SOD2: variants seen among roughly 807,000 people sequenced by gnomAD.
SOD2 encodes the protein superoxide dismutase [Mn], mitochondrial.
In SOD2, 11 loss-of-function variants were observed where a neutral mutation model predicts 27.0. That is an observed-to-expected ratio of 0.41 (90% confidence interval 0.26 to 0.67). SOD2 has a LOEUF of 0.67. SOD2 is among the 30% of genes least tolerant of loss of function. The probability of loss-of-function intolerance (pLI) is 0.34; values close to 1 mark genes in which losing one functional copy is unlikely to be tolerated. For synonymous variants in SOD2, 105 were observed against 103.0 expected, an observed-to-expected ratio of 1.02 and a Z score of -0.12; for missense variants, 250 against 274.5, an observed-to-expected ratio of 0.91 and a Z score of 0.63.
intron 1 of SOD2, chr6:159,753,620 G>A: frequency 6.3e-7 from 1 of 1,594,536 alleles, no homozygotes. Context: ...GGATGGTAAG[G>A]GGTTTGTTTC....
rs1779816920 is a variant in SOD2, at chr6:159,678,021, G to A, written c.*4472C>T. ...TCCCAGCCTCAACCCCCAACCTCCA[G>A]AAAGGGGAGAGAGGCTGAAGGTTGA... On this transcript the variant is annotated 3_prime_UTR_variant, in exon 5 of 5. Coordinates refer to ENST00000538183, the MANE Select transcript of SOD2 (RefSeq NM_000636.4). 6.6e-6 allele frequency: 1 copy of A among 152,098 alleles called. No individual in the cohort carries two copies. Among genetic ancestry groups the A allele is most frequent in the South Asian group, 2.1e-4 (1 of 4,828 alleles). The allele number at this position is 152,098 out of a possible 1,614,324, so 9.4% of individuals were successfully genotyped here.
chr6:159,723,562 C>T (rs1010073278), intron 1 of SOD2, among the ~76,000 whole-genome samples: 10 of 152,166 alleles, frequency 6.6e-5, no homozygotes, highest in African/African-American at 2.4e-4. Context: ...ATTTAGAAAC[C>T]AAGATCTCAG....
Position 159,693,201 on chromosome 6 carries a change from G to A in SOD2, c.-34C>T, listed in dbSNP as rs763376290. The A allele has an allele frequency of 6.1e-5, 92 of 1,515,370 alleles. No individual in the cohort carries two copies. Among genetic ancestry groups the A allele is most frequent in the Admixed American group, 6.3e-5 (3 of 47,922 alleles). The allele number at this position is 1,515,370 out of a possible 1,614,324, so 93.9% of individuals were successfully genotyped here. On this transcript the variant is annotated 5_prime_UTR_variant, in exon 1 of 5. Coordinates refer to ENST00000538183, the MANE Select transcript of SOD2 (RefSeq NM_000636.4). ...TGCTGGTGCTACCGCTGATGCCGCC[G>A]ATCTGCTGAAGCCGCTGCCGAAGCC... is the stretch of plus-strand genomic sequence containing the variant.
intron 1 of SOD2, among the ~76,000 whole-genome samples, chr6:159,709,746 AC>A (rs1777695280): frequency 6.6e-6 from 1 of 152,124 alleles, no homozygotes; most frequent in South Asian, 2.1e-4. Context: ...ATACCATTTG[AC>A]CCAGCCATCC....
At chr6:159,692,531 C>T in intron 2 of SOD2, 130 bp downstream of exon 2, 1 of 1,491,108 alleles carries the variant, frequency 6.7e-7, no homozygotes, top group Non-Finnish European at 8.9e-7. Flanking sequence ...ACTATCGTGC[C>T]TGGAAAACTC....
At chr6:159,693,340 C>T (rs1777336158), upstream of SOD2, 1 of 257,102 alleles carries the variant, frequency 3.9e-6, no homozygotes, top group African/African-American at 2.7e-5. Flanking sequence ...CCCCCCCCCC[C>T]GCGGGCCCCG....
chr6:159,692,330 G>C (rs747316878), intron 2 of SOD2: 1 of 1,040,006 alleles, frequency 9.6e-7, no homozygotes, highest in Non-Finnish European at 1.3e-6. Context: ...AAAAAAACGA[G>C]TGACACAGTA....
upstream of SOD2, among the ~76,000 whole-genome samples, chr6:159,730,167 C>T (rs1778480765): frequency 6.6e-6 from 1 of 152,194 alleles, no homozygotes; most frequent in Admixed American, 6.5e-5. Context: ...CACCTAATAG[C>T]TGATCACCTA....
rs2114742729 is a variant in SOD2 at position 159,669,928 on chromosome 6, A to G, written c.*12565T>C. 6.6e-6 allele frequency: 1 copy of G among 152,316 alleles called. No homozygotes were observed. Among genetic ancestry groups the G allele is most frequent in the East Asian group, 1.9e-4 (1 of 5,186 alleles). The allele number at this position is 152,316 out of a possible 1,614,324, so 9.4% of individuals were successfully genotyped here. On this transcript the variant is annotated 3_prime_UTR_variant, in exon 5 of 5. Coordinates refer to ENST00000538183, the MANE Select transcript of SOD2 (RefSeq NM_000636.4). ...AGTCAATCTATATCTTTTAAGTGGG[A>G]GAATTTAATCCATTTACATTCAAAG...
At chr6:159,684,403 G>C (rs1389432091) in intron 4 of SOD2, among the ~76,000 whole-genome samples, 1 of 151,754 alleles carries the variant, frequency 6.6e-6, no homozygotes, top group African/African-American at 2.4e-5. Flanking sequence ...AGATACCTGA[G>C]GTCAGGAGTT....
chr6:159,727,144 C>T (rs899675464), exon 1 of SOD2: 7 of 1,195,376 alleles, frequency 5.9e-6, no homozygotes, highest in Non-Finnish European at 6.4e-6. Context: ...TTGCTGAGCT[C>T]CGGGGCCCGC....
chr6:159,744,903 C>T (rs977111247), intron 1 of SOD2, among the ~76,000 whole-genome samples: 4 of 152,172 alleles, frequency 2.6e-5, no homozygotes, highest in African/African-American at 9.7e-5. Context: ...TGGTCTTGAA[C>T]TGCTGTACTT....
chr6:159,713,565 TCA>T, intron 1 of SOD2: 1 of 794,050 alleles, frequency 1.3e-6, no homozygotes, highest in Non-Finnish European at 2.2e-6. Flanking sequence ...GAAAGTCCAC[TCA>T]CAGTGTTATC....
chr6:159,702,819 C>T (rs929697745), intron 1 of SOD2, among the ~76,000 whole-genome samples: 1 of 143,576 alleles, frequency 7.0e-6, no homozygotes, highest in Non-Finnish European at 1.5e-5. Flanking sequence ...CACTGCACTC[C>T]AGCCTGGGCG....
intron 1 of SOD2, among the ~76,000 whole-genome samples, chr6:159,716,525 C>T (rs1050381506): frequency 6.6e-6 from 1 of 152,204 alleles, no homozygotes; most frequent in Non-Finnish European, 1.5e-5. Context: ...CGAGAGATTT[C>T]CTCTGATCCC....
chr6:159,744,392 A>G (rs1244791224), intron 1 of SOD2, among the ~76,000 whole-genome samples: 3 of 152,190 alleles, frequency 2.0e-5, no homozygotes, highest in Non-Finnish European at 2.9e-5. Flanking sequence ...TCTGATTTTA[A>G]AATCTGAATG....
chr6:159,671,996 T>A lies in SOD2; in HGVS notation c.*10497A>T, dbSNP rs1487667584. On this transcript the variant is annotated 3_prime_UTR_variant, in exon 5 of 5. Transcript: ENST00000538183. ...CAACTGGAAGAAAGGTTATCAGTGA[T>A]TGAAGATCAGATGAATGAAATGAAG... The A allele has an allele frequency of 6.6e-6, 1 of 152,134 alleles. No homozygotes were observed. 9.4% of individuals were successfully genotyped at this position (152,134 alleles called of 1,614,324 possible).
rs550452747 is a variant in SOD2, at chr6:159,757,026, A to G, written c.-336+4011T>C. ...CCAGCACTACTGATTTTTACTAACA[A>G]CATATCTGGTAATATTATATGAGTA... is the stretch of plus-strand genomic sequence containing the variant. On this transcript the variant is annotated intron_variant, in intron 1 of 7. Transcript: ENST00000546087. Among the ~76,000 whole-genome samples, 429 of 152,330 alleles carry G rather than the reference A, an allele frequency of 2.8e-3. 2 individuals carry two copies. Among genetic ancestry groups the G allele is most frequent in the African/African-American group, 9.8e-3 (409 of 41,572 alleles).
rs1036253815 is a variant in SOD2 at position 159,675,253 on chromosome 6, A to G, written c.*7240T>C. ...ATAGAATTGGAAAAAACTACTTTAA[A>G]GTTCATGTGGAACCAAAAAAGAGCC... On this transcript the variant is annotated 3_prime_UTR_variant, in exon 5 of 5. Coordinates refer to ENST00000538183, the MANE Select transcript of SOD2 (RefSeq NM_000636.4). 54 of 152,354 alleles carry G rather than the reference A, an allele frequency of 3.5e-4. No homozygotes were observed. The highest frequency in any genetic ancestry group is 1.3e-3 in the African/African-American group (52 of 41,568). The allele number at this position is 152,354 out of a possible 1,614,324, so 9.4% of individuals were successfully genotyped here. A position where few individuals can be genotyped will look rare whatever the true frequency, so the allele number is the denominator to read the frequency against.
Sources: allele counts gnomAD v4.1 joint callset (sites outside exome capture counted in the v4.1 genomes callset), GRCh38; gene constraint gnomAD v4.1.1; transcripts MANE v1.5; gene names NCBI Gene and HGNC (gene_info 2026-07-23, HGNC 2026-07-21).